TCTN1: variants seen among roughly 807,000 people sequenced by gnomAD.
TCTN1 encodes tectonic family member 1.
TCTN1 carries 58 observed loss-of-function variants against 65.8 expected under a neutral mutation model. That is an observed-to-expected ratio of 0.88 (90% confidence interval 0.71 to 1.10). TCTN1 has a LOEUF of 1.10. TCTN1 is among the 50% of genes least tolerant of loss of function. The pLI is 0.00. For missense variants in TCTN1, 645 were observed against 719.4 expected (o/e 0.90, Z 1.18); for synonymous variants, 273 against 289.1 (o/e 0.94, Z 0.57).
rs2065844087 is a variant in TCTN1, at chr12:110,626,398, C to T, written c.378C>T (p.Ile126=). 1 of 1,601,356 alleles carries T rather than the reference C, an allele frequency of 6.2e-7. No individual in the cohort carries two copies. Among genetic ancestry groups the T allele is most frequent in the African/African-American group, 1.3e-5 (1 of 74,910 alleles). Residue 126 remains isoleucine (I), a synonymous_variant, in exon 3 of 15, where the codon ATC becomes ATT. Transcript: ENST00000397659. ...AGTTTTGTAGTCAAAAAGCAGTCAT[C>T]TATTCATTGAATTTTACAGCAAACC... ...DSQFCSQKAV[I]YSLNFTANPP...
rs758463845 is a variant in TCTN1 at position 110,641,529 on chromosome 12, C to T, written c.1105-13C>T. On this transcript the variant is annotated splice_polypyrimidine_tract_variant and intron_variant, in intron 9 of 14. Coordinates refer to ENST00000397659, the MANE Select transcript of TCTN1 (RefSeq NM_001082538.3). ...TGAGAATTATTTGGGGGCATTTCTG[C>T]ATTGTCTTTCAGGAAAATACCCAGC... is the stretch of plus-strand genomic sequence containing the variant. 6 of 1,611,660 alleles carry T rather than the reference C, an allele frequency of 3.7e-6. No individual in the cohort carries two copies. The highest frequency in any genetic ancestry group is 3.3e-5 in the Admixed American group (2 of 60,004).
intron 11 of TCTN1, chr12:110,643,646 A>G (rs2136157414): frequency 6.6e-6 from 1 of 152,234 alleles, no homozygotes; most frequent in South Asian, 2.1e-4. Flanking sequence ...TCATTGGATC[A>G]TTATTTTGGT....
intron 1 of TCTN1, among the ~76,000 whole-genome samples, chr12:110,614,728 A>G (rs2064917768): frequency 6.6e-6 from 1 of 152,222 alleles, no homozygotes; most frequent in South Asian, 2.1e-4. Context: ...AAGTCGAGAC[A>G]ATGGTGGAAA....
chr12:110,635,103 G>C (rs1281193795), intron 6 of TCTN1, among the ~76,000 whole-genome samples: 5 of 152,146 alleles, frequency 3.3e-5, no homozygotes, highest in Non-Finnish European at 7.4e-5. Context: ...GTCTGTGACA[G>C]AAATAATCTT....
chr12:110,641,955 A>T (rs1214994728), intron 10 of TCTN1: 6 of 553,742 alleles, frequency 1.1e-5, no homozygotes, highest in Non-Finnish European at 1.9e-5. Flanking sequence ...AGAAAAGTTG[A>T]CATTTAAATG....
At position 110,640,870 on chromosome 12, in the gene TCTN1, G is replaced by A. The variant is rs2066906119; in HGVS notation, c.979-154G>A. 6.6e-6 allele frequency among the ~76,000 whole-genome samples: 1 copy of A among 152,168 alleles called. No homozygotes were observed. Among genetic ancestry groups the A allele is most frequent in the Non-Finnish European group, 1.5e-5 (1 of 68,036 alleles). On this transcript the variant is annotated intron_variant, in intron 8 of 14. Transcript: ENST00000397659. This position sits in a 1 kb window ranked among gnomAD's most constrained non-coding sequence, Gnocchi z 4.9. ...CCTGTCTGCTAGGGGTGGTGCTGAG[G>A]GAACACCTCTCATAATCCAACTGGA...
intron 7 of TCTN1, among the ~76,000 whole-genome samples, chr12:110,637,460 G>A (rs1185080652): frequency 6.6e-6 from 1 of 152,234 alleles, no homozygotes; most frequent in South Asian, 2.1e-4. Context: ...CCTGTCTTCT[G>A]TGAAGGGTGG....
chr12:110,628,694 AC>A, intron 3 of TCTN1, 72 bp from the exon 4 acceptor site: 1 of 1,356,510 alleles, frequency 7.4e-7, no homozygotes, highest in Non-Finnish European at 1.0e-6. Flanking sequence ...ACTTTCCAAA[AC>A]CTTTATATAG....
chr12:110,636,803 C>G (rs1287896630), intron 7 of TCTN1, among the ~76,000 whole-genome samples: 1 of 152,198 alleles, frequency 6.6e-6, no homozygotes, highest in East Asian at 1.9e-4. Flanking sequence ...ATCCCTTGCT[C>G]CCTTCTTAGT....
At chr12:110,624,525 A>G (rs2065690814) in intron 2 of TCTN1, among the ~76,000 whole-genome samples, 2 of 149,506 alleles carry the variant, frequency 1.3e-5, no homozygotes, top group Non-Finnish European at 3.0e-5. Context: ...CTGTATCTAT[A>G]GCAAATTGAT....
At chr12:110,642,451 T>C (rs2067020488) in intron 11 of TCTN1, 62 bp downstream of exon 11, 5 of 1,612,458 alleles carry the variant, frequency 3.1e-6, no homozygotes, top group Non-Finnish European at 4.2e-6. Context: ...CATTCTCACT[T>C]TTCCCCATTT....
intron 1 of TCTN1, among the ~76,000 whole-genome samples, chr12:110,619,587 G>C (rs1391598437): frequency 6.6e-6 from 1 of 152,170 alleles, no homozygotes; most frequent in African/African-American, 2.4e-5. Flanking sequence ...TACGAAATCA[G>C]CATCTCTGTA....
chr12:110,628,445 AT>A (rs1359657696), intron 3 of TCTN1, among the ~76,000 whole-genome samples: 2 of 150,728 alleles, frequency 1.3e-5, no homozygotes, highest in Non-Finnish European at 2.9e-5. Flanking sequence ...GGTTTCAGCG[AT>A]TCTCCTGCCT....
chr12:110,628,209 G>C (rs1488154350), intron 3 of TCTN1: 15 of 1,535,768 alleles, frequency 9.8e-6, no homozygotes, highest in Admixed American at 5.9e-5. Flanking sequence ...ATTGGCTTCT[G>C]TTGTGCTGTT....
At chr12:110,648,774 G>A (rs2067596448) in intron 14 of TCTN1, 1 of 299,200 alleles carries the variant, frequency 3.3e-6, no homozygotes, top group African/African-American at 2.3e-5. Context: ...AATACAGTAG[G>A]AGGGTCCAGG....
At position 110,628,331 on chromosome 12, in the gene TCTN1, G is replaced by GA. The variant is rs1231011673; in HGVS notation, c.473-431dup. ...AAAAATCCTGGGAGAAGTGAATATG[G>GA]AAAAATACACTTTTTTTTTTTTTTT... On this transcript the variant is annotated intron_variant, in intron 3 of 14. Coordinates refer to ENST00000397659, the MANE Select transcript of TCTN1 (RefSeq NM_001082538.3). 8 of 1,161,272 alleles carry GA rather than the reference G, an allele frequency of 6.9e-6. No individual in the cohort carries two copies. In the Admixed American group the frequency reaches 8.1e-5, roughly 12 times the overall value. The allele number at this position is 1,161,272 out of a possible 1,614,324, so 71.9% of individuals were successfully genotyped here. A position where few individuals can be genotyped will look rare whatever the true frequency, so the allele number is the denominator to read the frequency against.
chr12:110,629,402 A>G (rs1426021069), intron 4 of TCTN1: 1 of 155,654 alleles, frequency 6.4e-6, no homozygotes, highest in Non-Finnish European at 1.4e-5. Context: ...ATTTACAAGA[A>G]AAAAACAACC....
At chr12:110,617,360 A>G (rs1479021546) in intron 1 of TCTN1, among the ~76,000 whole-genome samples, 1 of 148,568 alleles carries the variant, frequency 6.7e-6, no homozygotes, top group African/African-American at 2.5e-5. Context: ...TTTTTTTTTA[A>G]TTGCCCAGGC....
At chr12:110,621,554 C>T (rs181400496) in intron 2 of TCTN1, among the ~76,000 whole-genome samples, 386 of 151,790 alleles carry the variant, frequency 2.5e-3, no homozygotes, top group Non-Finnish European at 4.0e-3. Flanking sequence ...CTCACTGCAA[C>T]CTCTGCCTGC....
Sources: gnomAD v4.1 joint callset for allele counts (sites outside exome capture counted in the v4.1 genomes callset) on GRCh38, gnomAD v4.1.1 for gene constraint, Gnocchi (gnomAD v3.1) non-coding constraint, MANE v1.5 for transcripts, NCBI Gene and HGNC (gene_info 2026-07-23, HGNC 2026-07-21) for gene names.